The following DBNL variants were observed in gnomAD, a reference collection of about 807,000 sequenced individuals.
The protein encoded by DBNL is drebrin like, also known as drebrin-like protein.
DBNL carries 35 observed loss-of-function variants against 62.2 expected under a neutral mutation model. The observed-to-expected ratio is 0.56, with a 90% CI of 0.43 to 0.75. The LOEUF is 0.75. DBNL is among the 30% of genes least tolerant of loss of function. The pLI is 0.00. For missense variants in DBNL, 495 were observed against 578.4 expected (o/e 0.86, Z 1.48); for synonymous variants, 197 against 218.0 (o/e 0.90, Z 0.85).
At chr7:44,047,569 C>T (rs745900966) in intron 1 of DBNL, among the ~76,000 whole-genome samples, 5 of 152,156 alleles carry the variant, frequency 3.3e-5, no homozygotes, top group Non-Finnish European at 7.3e-5. Flanking sequence ...TTTTTTCTTC[C>T]GTTAGAAAGT....
Position 44,065,422 on chromosome 7 carries a change from C to A in DBNL, c.*4506C>A, listed in dbSNP as rs2096157997. Reference sequence around the variant, plus strand: ...TGGCCTTGGCTCCCCGCTTGGCCTCCTCGGTCCCCTTTTCACTCAGCTCTG... The same window carrying A: ...TGGCCTTGGCTCCCCGCTTGGCCTCATCGGTCCCCTTTTCACTCAGCTCTG... On this transcript the variant is annotated 3_prime_UTR_variant, in exon 13 of 13. Transcript: ENST00000448521. The A allele has an allele frequency of 1.2e-6, 2 of 1,614,068 alleles. No homozygotes were observed. Among genetic ancestry groups the A allele is most frequent in the African/African-American group, 2.7e-5 (2 of 74,950 alleles).
intron 4 of DBNL, among the ~76,000 whole-genome samples, chr7:44,055,616 T>C (rs774098917): frequency 5.3e-5 from 8 of 152,266 alleles, no homozygotes; most frequent in South Asian, 4.1e-4. Flanking sequence ...TGTGGTGAGA[T>C]GATAGCCCGT....
chr7:44,060,891 C>A lies in DBNL; in HGVS notation c.1268C>A (p.Ala423Asp). 6.2e-7 allele frequency: 1 copy of A among 1,614,058 alleles called. No homozygotes were observed. Among genetic ancestry groups the A allele is most frequent in the Non-Finnish European group, 8.5e-7 (1 of 1,179,980 alleles). ...GATGGCCATTTTGGCATGTTCCCTG[C>A]CAACTACGTGGAGCTCATTGAGTGA... ...GPDGHFGMFP[A>D]NYVELIE The change falls in exon 13 of 13, where the codon GCC (alanine) becomes GAC (aspartate). Residue 423 changes from alanine to aspartate, a missense_variant. Transcript: ENST00000448521. The surrounding 1 kb of genome is among the most constrained non-coding windows in gnomAD (Gnocchi z 6.3).
chr7:44,064,793 G>GGCCACCCCCCCAGC lies in DBNL; in HGVS notation c.*3877_*3878insGCCACCCCCCCAGC. 1 of 1,136,982 alleles carries GGCCACCCCCCCAGC rather than the reference G, an allele frequency of 8.8e-7. No homozygotes were observed. Among genetic ancestry groups the GGCCACCCCCCCAGC allele is most frequent in the Non-Finnish European group, 1.3e-6 (1 of 773,400 alleles). The allele number at this position is 1,136,982 out of a possible 1,614,324, so 70.4% of individuals were successfully genotyped here. On this transcript the variant is annotated 3_prime_UTR_variant, in exon 13 of 13. Transcript: ENST00000448521. ...AGATGAGAAGCCAGCTGGGGCTGCT[G>GGCCACCCCCCCAGC]CCCACCCACCCTGCCCAGGCTCCTG... is the stretch of plus-strand genomic sequence containing the variant.
At position 44,059,499 on chromosome 7, in the gene DBNL, G is replaced by A. The variant is rs1315707533; in HGVS notation, c.932-44G>A. The A allele has an allele frequency of 6.2e-7, 1 of 1,613,520 alleles. No individual in the cohort carries two copies. Among genetic ancestry groups the A allele is most frequent in the South Asian group, 1.1e-5 (1 of 91,060 alleles). ...GACCCTGGGGGACAGCAGTGGAGAA[G>A]GGGGATGTGTGGGAGTGAGAACCTG... On this transcript the variant is annotated intron_variant, in intron 10 of 12. Transcript: ENST00000448521. This position sits in a 1 kb window ranked among gnomAD's most constrained non-coding sequence, Gnocchi z 4.1.
chr7:44,054,878 T>A (rs1011141855), intron 4 of DBNL, among the ~76,000 whole-genome samples: 3 of 152,220 alleles, frequency 2.0e-5, no homozygotes, highest in Non-Finnish European at 2.9e-5. Flanking sequence ...AGTGAGAACA[T>A]GCAATACTTG....
At chr7:44,045,780 T>A (rs1163648679) in intron 1 of DBNL, among the ~76,000 whole-genome samples, 1 of 152,242 alleles carries the variant, frequency 6.6e-6, no homozygotes, top group Non-Finnish European at 1.5e-5. Context: ...AGTGTACTAT[T>A]GTGACCCTGA....
At position 44,062,806 on chromosome 7, in the gene DBNL, C is replaced by A; in HGVS notation, c.*1890C>A. 1 of 1,614,208 alleles carries A rather than the reference C, an allele frequency of 6.2e-7. No individual in the cohort carries two copies. On this transcript the variant is annotated 3_prime_UTR_variant, in exon 13 of 13. Transcript: ENST00000448521. Reference sequence around the variant, plus strand: ...GGGCAGCCACAGCCTCCATGGCCTTCCGCACCGTTTCCTCATCACCCAGGA... The same window carrying A: ...GGGCAGCCACAGCCTCCATGGCCTTACGCACCGTTTCCTCATCACCCAGGA...
At chr7:44,057,399 A>T (rs1462895339) in intron 5 of DBNL, among the ~76,000 whole-genome samples, 1 of 152,052 alleles carries the variant, frequency 6.6e-6, no homozygotes, top group African/African-American at 2.4e-5. Context: ...GATTCCTTGG[A>T]TGCTCTTGTG....
At chr7:44,053,728 G>C (rs1302981552) in intron 4 of DBNL, among the ~76,000 whole-genome samples, 1 of 150,736 alleles carries the variant, frequency 6.6e-6, no homozygotes, top group Non-Finnish European at 1.5e-5. Flanking sequence ...CCAGGCTGGA[G>C]TGCAGTGGCG....
chr7:44,047,599 TTTTA>T (rs2096119592), intron 1 of DBNL, among the ~76,000 whole-genome samples: 1 of 152,220 alleles, frequency 6.6e-6, no homozygotes, highest in African/African-American at 2.4e-5. Flanking sequence ...GGGCAGGACC[TTTTA>T]GGGATTGTTC....
intron 4 of DBNL, 70 bp from the exon 5 acceptor site, chr7:44,056,687 G>A: frequency 6.2e-7 from 1 of 1,600,884 alleles, no homozygotes; most frequent in Non-Finnish European, 8.5e-7. Context: ...CGTGCTGTAT[G>A]GACTGACAGG....
chr7:44,059,283 A>AGGGTGCTGTG lies in DBNL; in HGVS notation c.836-64_836-55dup. On this transcript the variant is annotated intron_variant, in intron 9 of 12. Coordinates refer to ENST00000448521, the MANE Select transcript of DBNL (RefSeq NM_001014436.3). The surrounding 1 kb of genome is among the most constrained non-coding windows in gnomAD (Gnocchi z 4.1). ...GACTGCCTCGAGCACACCAGGGTGG[A>AGGGTGCTGTG]GGGTGCTGTGGGGTGCGTGGGTGTG... 1 of 1,475,304 alleles carries AGGGTGCTGTG rather than the reference A, an allele frequency of 6.8e-7. No homozygotes were observed. The highest frequency in any genetic ancestry group is 9.4e-7 in the Non-Finnish European group (1 of 1,068,940). The allele number at this position is 1,475,304 out of a possible 1,614,324, so 91.4% of individuals were successfully genotyped here.
chr7:44,062,866 C>G lies in DBNL; in HGVS notation c.*1950C>G. On this transcript the variant is annotated 3_prime_UTR_variant, in exon 13 of 13. Coordinates refer to ENST00000448521, the MANE Select transcript of DBNL (RefSeq NM_001014436.3). ...GCTTGGTGGGCTTCAGCTCCTTGTT[C>G]AGCTCATACACAATGGGGATCCCCG... 6.2e-7 allele frequency: 1 copy of G among 1,614,212 alleles called. No individual in the cohort carries two copies. The highest frequency in any genetic ancestry group is 8.5e-7 in the Non-Finnish European group (1 of 1,180,028).
intron 1 of DBNL, among the ~76,000 whole-genome samples, chr7:44,048,272 G>A (rs2096120768): frequency 6.6e-6 from 1 of 152,204 alleles, no homozygotes; most frequent in Non-Finnish European, 1.5e-5. Flanking sequence ...TGCTGCTTGT[G>A]CCAGCTTGCT....
chr7:44,058,115 G>A lies in DBNL; in HGVS notation c.553-14G>A, dbSNP rs753435328. 47 of 1,552,802 alleles carry A rather than the reference G, an allele frequency of 3.0e-5. No individual in the cohort carries two copies. Among genetic ancestry groups the A allele is most frequent in the Non-Finnish European group, 1.7e-6 (2 of 1,148,308 alleles). On this transcript the variant is annotated splice_polypyrimidine_tract_variant and intron_variant, in intron 6 of 12. Transcript: ENST00000448521. ...GGCAGCATAGGGCTGAGCGGGCAGT[G>A]GCTCTCCCTGCAGAAGGAGGAGGAG... is the stretch of plus-strand genomic sequence containing the variant.
In DBNL at chr7:44,063,037, A is replaced by G; in HGVS notation, c.*2121A>G. 2 of 1,195,296 alleles carry G rather than the reference A, an allele frequency of 1.7e-6. No homozygotes were observed. Among genetic ancestry groups the G allele is most frequent in the Non-Finnish European group, 2.5e-6 (2 of 805,836 alleles). The allele number at this position is 1,195,296 out of a possible 1,614,324, so 74.0% of individuals were successfully genotyped here. A position where few individuals can be genotyped will look rare whatever the true frequency, so the allele number is the denominator to read the frequency against. ...CACAGAGCCAGTTCCCCTGGCACCA[A>G]TTCCTTCCCAGCCCTGAGAACGAGG... On this transcript the variant is annotated 3_prime_UTR_variant, in exon 13 of 13. Transcript: ENST00000448521.
rs1270230936 is a variant in DBNL, at chr7:44,065,293, C to G, written c.*4377C>G. The G allele has an allele frequency of 6.2e-7, 1 of 1,613,554 alleles. No homozygotes were observed. The highest frequency in any genetic ancestry group is 2.2e-5 in the East Asian group (1 of 44,894). On this transcript the variant is annotated 3_prime_UTR_variant, in exon 13 of 13. Transcript: ENST00000448521. Reference sequence around the variant, plus strand: ...TGAGGCGCCAAGTGCGCACCACAGGCAGCCACATCTGGTCCGTGCCGTCCA... The same window carrying G: ...TGAGGCGCCAAGTGCGCACCACAGGGAGCCACATCTGGTCCGTGCCGTCCA...
chr7:44,060,189 G>T lies in DBNL; in HGVS notation c.1153+36G>T. The T allele has an allele frequency of 6.4e-7, 1 of 1,569,794 alleles. No individual in the cohort carries two copies. On this transcript the variant is annotated intron_variant, in intron 12 of 12. Coordinates refer to ENST00000448521, the MANE Select transcript of DBNL (RefSeq NM_001014436.3). The surrounding 1 kb of genome is among the most constrained non-coding windows in gnomAD (Gnocchi z 6.3). ...CTGGCCTGGCTGGCACAGACCACAGGGTCCTGAGGTTAGGAGACAAGAGGG... is the reference window on the plus strand; with the variant it reads ...CTGGCCTGGCTGGCACAGACCACAGTGTCCTGAGGTTAGGAGACAAGAGGG...
Sources: allele counts gnomAD v4.1 joint callset (sites outside exome capture counted in the v4.1 genomes callset), GRCh38; gene constraint gnomAD v4.1.1; non-coding constraint Gnocchi (gnomAD v3.1); transcripts MANE v1.5; gene names NCBI Gene and HGNC (gene_info 2026-07-23, HGNC 2026-07-21).